The following NKD2 variants were observed in gnomAD, a reference collection of about 807,000 sequenced individuals.
NKD2 encodes protein naked cuticle homolog 2.
NKD2 carries 43 observed loss-of-function variants against 34.8 expected under a neutral mutation model. The ratio of observed to expected loss-of-function variants is 1.24; its 90% confidence interval spans 0.97 to 1.60. The LOEUF (loss-of-function observed/expected upper bound fraction) is 1.60. Among genes scored for constraint, NKD2 ranks in the 40% most tolerant of loss-of-function variants. The pLI, the probability that NKD2 is intolerant of heterozygous loss-of-function variation, is 0.00. For synonymous variants in NKD2, 278 were observed against 265.1 expected, an observed-to-expected ratio of 1.05 and a Z score of -0.47; for missense variants, 675 against 627.1, an observed-to-expected ratio of 1.08 and a Z score of -0.82.
chr5:1,011,611 C>G (rs1579243706), intron 3 of NKD2, among the ~76,000 whole-genome samples: 1 of 152,166 alleles, frequency 6.6e-6, no homozygotes, highest in Non-Finnish European at 1.5e-5. Flanking sequence ...TGGTTCCGTG[C>G]GAGGCATCCT....
intron 3 of NKD2, among the ~76,000 whole-genome samples, chr5:1,022,590 G>A (rs1579257459): frequency 2.1e-5 from 1 of 47,826 alleles, no homozygotes; most frequent in African/African-American, 3.8e-5. Flanking sequence ...CGCTGTGGGC[G>A]TCCCAGCCCT....
intron 3 of NKD2, among the ~76,000 whole-genome samples, chr5:1,026,766 A>T (rs1221556697): frequency 6.6e-6 from 1 of 152,168 alleles, no homozygotes; most frequent in African/African-American, 2.4e-5. Flanking sequence ...GCATCCTCCC[A>T]GCCCCCGAGG....
In NKD2 at chr5:1,009,612, G is replaced by C; in HGVS notation, c.141+52G>C. ...CGCGCTGCGCACCCGCCCGGGGGCG[G>C]GGAGCGGTGTCAGAGCTGTTCCTGG... On this transcript the variant is annotated intron_variant, in intron 3 of 9. Transcript: ENST00000296849. The surrounding 1 kb of genome is among the most constrained non-coding windows in gnomAD (Gnocchi z 6.9). The C allele has an allele frequency of 2.2e-6, 3 of 1,366,946 alleles. No homozygotes were observed. In the Admixed American group the frequency reaches 1.1e-4, roughly 50 times the overall value. 84.7% of individuals were successfully genotyped at this position (1,366,946 alleles called of 1,614,324 possible). A position where few individuals can be genotyped will look rare whatever the true frequency, so the allele number is the denominator to read the frequency against.
intron 4 of NKD2, 26 bp from the exon 5 acceptor site, chr5:1,033,346 C>T: frequency 6.3e-7 from 1 of 1,578,558 alleles, no homozygotes; most frequent in Non-Finnish European, 8.6e-7. Flanking sequence ...CTCTGCCAGC[C>T]CCTTCGCCTC....
chr5:1,037,553 C>G (rs1172305623), intron 9 of NKD2: 2 of 1,535,954 alleles, frequency 1.3e-6, no homozygotes, highest in Non-Finnish European at 1.7e-6. Context: ...AGCTCCGCTC[C>G]CAGGACACAC....
At chr5:1,016,640 C>T (rs989879160) in intron 3 of NKD2, among the ~76,000 whole-genome samples, 5 of 152,328 alleles carry the variant, frequency 3.3e-5, no homozygotes, top group African/African-American at 1.2e-4. Context: ...TTGCTGTCTC[C>T]AGTGAGGTTC....
At chr5:1,027,715 G>A (rs111449744) in intron 3 of NKD2, among the ~76,000 whole-genome samples, 1 of 152,242 alleles carries the variant, frequency 6.6e-6, no homozygotes, top group Admixed American at 6.5e-5. Context: ...CCCACCGGGC[G>A]TTCCACCAGA....
At chr5:1,017,040 G>A (rs1252837310) in intron 3 of NKD2, among the ~76,000 whole-genome samples, 1 of 133,348 alleles carries the variant, frequency 7.5e-6, no homozygotes, top group Non-Finnish European at 1.6e-5. Context: ...CCTCATCCTC[G>A]TCCTTCCCAC....
intron 9 of NKD2, 34 bp from the exon 10 acceptor site, chr5:1,037,771 T>G: frequency 6.4e-7 from 1 of 1,561,424 alleles, no homozygotes; most frequent in Non-Finnish European, 8.6e-7. Context: ...GAGCCTGCAC[T>G]CCCAGGGCCT....
In NKD2 at chr5:1,008,816, C is replaced by CGCCGTCGCT. The variant is rs956354429; in HGVS notation, c.-237_-229dup. On this transcript the variant is annotated 5_prime_UTR_variant, in exon 1 of 10. Transcript: ENST00000296849. The stretch of plus-strand genomic sequence containing the variant: ...CGCACGCGCTCAGAGGGAGCCGGGC[C>CGCCGTCGCT]GCCGTCGCTGCCGCCGCTGTCCCCG... The CGCCGTCGCT allele has an allele frequency of 1.7e-5, 4 of 234,466 alleles. No homozygotes were observed. The highest frequency in any genetic ancestry group is 1.3e-3 in the Middle Eastern group (1 of 790). 14.5% of individuals were successfully genotyped at this position (234,466 alleles called of 1,614,324 possible).
chr5:1,021,945 C>A (rs953946426), intron 3 of NKD2, among the ~76,000 whole-genome samples: 1 of 152,174 alleles, frequency 6.6e-6, no homozygotes, highest in African/African-American at 2.4e-5. Context: ...GCCCCTCCCC[C>A]AGGGCCGCCT....
At chr5:1,012,020 G>A (rs1755770627) in intron 3 of NKD2, among the ~76,000 whole-genome samples, 1 of 152,238 alleles carries the variant, frequency 6.6e-6, no homozygotes, top group Non-Finnish European at 1.5e-5. Flanking sequence ...GTGAGGAGTG[G>A]TGCCATGGTG....
intron 8 of NKD2, 168 bp from the exon 9 acceptor site, chr5:1,036,089 C>T (rs180920170): frequency 2.2e-6 from 3 of 1,341,810 alleles, no homozygotes; most frequent in East Asian, 2.8e-5. Flanking sequence ...CTCTGGACGG[C>T]ACTTGACTGT....
intron 5 of NKD2, 44 bp downstream of exon 5, chr5:1,033,543 G>T (rs1247538237): frequency 6.6e-7 from 1 of 1,521,592 alleles, no homozygotes; most frequent in Admixed American, 2.0e-5. Flanking sequence ...CGTCCCTGGG[G>T]CCGGGGGCTC....
intron 3 of NKD2, among the ~76,000 whole-genome samples, chr5:1,011,179 A>C (rs1465746769): frequency 6.6e-6 from 1 of 152,248 alleles, no homozygotes; most frequent in East Asian, 1.9e-4. Context: ...GAACAAACTC[A>C]GAATCAAAGG....
Position 1,034,247 on chromosome 5 carries a change from G to T in NKD2, c.343G>T (p.Asp115Tyr). ...QRLNIDALQC[D>Y]VSVEEDDRQE... ...CGTCCCCCCACAGGCACTCCAGTGC[G>T]ATGTCTCGGTGGAGGAGGACGACCG... Residue 115 changes from aspartate (D) to tyrosine (Y), a missense_variant, in exon 6 of 10, where the codon GAT becomes TAT. Transcript: ENST00000296849. 1.9e-6 allele frequency: 3 copies of T among 1,611,834 alleles called. No individual in the cohort carries two copies. The highest frequency in any genetic ancestry group is 1.7e-6 in the Non-Finnish European group (2 of 1,179,698).
At chr5:1,032,752 G>A (rs1756694385) in intron 4 of NKD2, among the ~76,000 whole-genome samples, 1 of 152,270 alleles carries the variant, frequency 6.6e-6, no homozygotes, top group Non-Finnish European at 1.5e-5. Flanking sequence ...CCCTCAGTGG[G>A]AAGGCAGGCC....
At position 1,017,331 on chromosome 5, in the gene NKD2, C is replaced by G. The variant is rs1477841165; in HGVS notation, c.141+7771C>G. Among the ~76,000 whole-genome samples the G allele has an allele frequency of 2.0e-5, 3 of 152,254 alleles. No individual in the cohort carries two copies. The East Asian group carries it at 5.8e-4, about 29-fold the overall frequency. On this transcript the variant is annotated intron_variant, in intron 3 of 9. Coordinates refer to ENST00000296849, the MANE Select transcript of NKD2 (RefSeq NM_033120.4). ...CAGCTCAACTGTCCCGAGGGCGTGC[C>G]AGGCCAGTGGCCAGGTCCGTGTGCC... is the stretch of plus-strand genomic sequence containing the variant.
At chr5:1,027,749 C>A (rs547444277) in intron 3 of NKD2, among the ~76,000 whole-genome samples, 13 of 152,348 alleles carry the variant, frequency 8.5e-5, no homozygotes, top group African/African-American at 3.1e-4. Context: ...GCTGCCCTCA[C>A]GAGGCCCAGG....
Sources: allele counts gnomAD v4.1 joint callset (sites outside exome capture counted in the v4.1 genomes callset), GRCh38; gene constraint gnomAD v4.1.1; non-coding constraint Gnocchi (gnomAD v3.1); transcripts MANE v1.5; gene names NCBI Gene and HGNC (gene_info 2026-07-23, HGNC 2026-07-21).